KCND2: variants seen among roughly 807,000 people sequenced by gnomAD.
The protein encoded by KCND2 is potassium voltage-gated channel subfamily D member 2.
Under a neutral mutation model 54.4 loss-of-function variants are expected in KCND2, and 16 were observed. The ratio of observed to expected loss-of-function variants is 0.29; its 90% confidence interval spans 0.20 to 0.45. KCND2 has a LOEUF of 0.45. KCND2 is among the 20% of genes least tolerant of loss of function. KCND2 has a pLI of 1.00. For synonymous variants in KCND2, 317 were observed against 310.7 expected (o/e 1.02, Z -0.21); for missense variants, 486 against 824.2 (o/e 0.59, Z 5.02).
intron 1 of KCND2, among the ~76,000 whole-genome samples, chr7:120,335,616 G>A (rs112302904): frequency 2.4e-4 from 37 of 151,654 alleles, no homozygotes; most frequent in Non-Finnish European, 4.3e-4. Context: ...CTCCTGGGTA[G>A]CTGGGACTAC....
At chr7:120,702,875 C>T (rs1238294034) in intron 1 of KCND2, among the ~76,000 whole-genome samples, 1 of 151,920 alleles carries the variant, frequency 6.6e-6, no homozygotes, top group African/African-American at 2.4e-5. Flanking sequence ...GTACAATAAC[C>T]CCCCCGTCAC....
chr7:120,427,186 T>A (rs2116152986), intron 1 of KCND2, among the ~76,000 whole-genome samples: 1 of 152,350 alleles, frequency 6.6e-6, no homozygotes, highest in Admixed American at 6.5e-5. Context: ...TTTTACTGTT[T>A]TGATCATACG....
At chr7:120,324,682 A>G (rs1268564710) in intron 1 of KCND2, among the ~76,000 whole-genome samples, 1 of 151,072 alleles carries the variant, frequency 6.6e-6, no homozygotes, top group Non-Finnish European at 1.5e-5. Context: ...TACCAGTACC[A>G]TGCTGTTTTG....
chr7:120,529,995 C>A (rs1287497951), intron 1 of KCND2, among the ~76,000 whole-genome samples: 2 of 151,860 alleles, frequency 1.3e-5, no homozygotes, highest in Non-Finnish European at 2.9e-5. Context: ...ATCGCTTGAC[C>A]CCAGGGGGTC....
At chr7:120,474,059 G>A (rs1802499413) in intron 1 of KCND2, among the ~76,000 whole-genome samples, 1 of 152,164 alleles carries the variant, frequency 6.6e-6, no homozygotes, top group African/African-American at 2.4e-5. Context: ...ACTTACCTCA[G>A]CTGTGACTTC....
chr7:120,485,792 T>G (rs1475061169), intron 1 of KCND2, among the ~76,000 whole-genome samples: 1 of 152,212 alleles, frequency 6.6e-6, no homozygotes, highest in African/African-American at 2.4e-5. Context: ...TATAACATAT[T>G]TTTTGTTTCT....
At chr7:120,720,817 C>T (rs780664502) in intron 1 of KCND2, among the ~76,000 whole-genome samples, 8 of 152,092 alleles carry the variant, frequency 5.3e-5, no homozygotes, top group Non-Finnish European at 7.4e-5. Flanking sequence ...TCACTTAGTC[C>T]ATTCTGTTGT....
intron 1 of KCND2, among the ~76,000 whole-genome samples, chr7:120,671,255 A>T (rs1780310752): frequency 6.6e-6 from 1 of 152,020 alleles, no homozygotes; most frequent in African/African-American, 2.4e-5. Flanking sequence ...TTTCATTAGG[A>T]GCATGCAACC....
chr7:120,332,883 C>A (rs989097889), intron 1 of KCND2, among the ~76,000 whole-genome samples: 25 of 152,092 alleles, frequency 1.6e-4, no homozygotes, highest in Middle Eastern at 3.4e-3. Flanking sequence ...CAAAAAGAGA[C>A]CTAGACAAGC....
chr7:120,586,480 T>A (rs1161962788), intron 1 of KCND2, among the ~76,000 whole-genome samples: 2 of 152,154 alleles, frequency 1.3e-5, no homozygotes, highest in Non-Finnish European at 2.9e-5. Context: ...AAAATTATTA[T>A]AAAGGAATCC....
rs1221143749 is a variant in KCND2 at position 120,307,367 on chromosome 7, G to A, written c.1115+31620G>A. ...TTTTTTGATGCTGTTTTACAAGGTG[G>A]TAAAAGTATACAAATTTGGGGACAG... On this transcript the variant is annotated intron_variant, in intron 1 of 5. Transcript: ENST00000331113. Among the ~76,000 whole-genome samples, 5 of 151,986 alleles carry A rather than the reference G, an allele frequency of 3.3e-5. No individual in the cohort carries two copies. In the East Asian group the frequency reaches 7.7e-4, roughly 23 times the overall value.
intron 1 of KCND2, among the ~76,000 whole-genome samples, chr7:120,589,720 T>G (rs1181102568): frequency 1.3e-5 from 2 of 152,024 alleles, no homozygotes; most frequent in African/African-American, 4.8e-5. Flanking sequence ...AGAACAGAAA[T>G]CTTCTTTCTA....
At chr7:120,420,918 G>T (rs1201354796) in intron 1 of KCND2, among the ~76,000 whole-genome samples, 1 of 152,082 alleles carries the variant, frequency 6.6e-6, no homozygotes, top group African/African-American at 2.4e-5. Context: ...GCAGAGACTT[G>T]TAAGAGAACA....
intron 1 of KCND2, among the ~76,000 whole-genome samples, chr7:120,521,761 G>A (rs1333644951): frequency 2.0e-5 from 3 of 152,102 alleles, no homozygotes; most frequent in African/African-American, 7.2e-5. Flanking sequence ...ATATGTGAGT[G>A]TGTATATAGT....
chr7:120,738,593 T>C (rs992785278), intron 2 of KCND2, among the ~76,000 whole-genome samples: 1 of 152,068 alleles, frequency 6.6e-6, no homozygotes, highest in African/African-American at 2.4e-5. Context: ...TTCATACAGC[T>C]AAAATAAAGT....
chr7:120,697,688 G>T (rs1792348584), intron 1 of KCND2, among the ~76,000 whole-genome samples: 1 of 152,136 alleles, frequency 6.6e-6, no homozygotes, highest in Admixed American at 6.5e-5. Flanking sequence ...GAAGCTGTGG[G>T]GATAATGATA....
chr7:120,736,544 T>C (rs1405887588), intron 2 of KCND2, among the ~76,000 whole-genome samples: 1 of 152,056 alleles, frequency 6.6e-6, no homozygotes, highest in Non-Finnish European at 1.5e-5. Flanking sequence ...GCAGCTCTTT[T>C]AATATATGGA....
intron 1 of KCND2, among the ~76,000 whole-genome samples, chr7:120,595,458 A>AAG (rs1175784992): frequency 9.7e-6 from 1 of 103,314 alleles, no homozygotes; most frequent in East Asian, 2.3e-4. Flanking sequence ...CACCAAAAAA[A>AAG]AAATATATAT....
intron 1 of KCND2, among the ~76,000 whole-genome samples, chr7:120,679,769 C>G (rs565122375): frequency 8.5e-5 from 13 of 152,162 alleles, no homozygotes; most frequent in African/African-American, 2.6e-4. Flanking sequence ...CTCCATTTCT[C>G]TGTTCCCTTT....
Sources: allele counts gnomAD v4.1 joint callset (sites outside exome capture counted in the v4.1 genomes callset), GRCh38; gene constraint gnomAD v4.1.1; transcripts MANE v1.5; gene names NCBI Gene and HGNC (gene_info 2026-07-23, HGNC 2026-07-21).